The following TMEM19 variants were observed in gnomAD, a reference collection of about 807,000 sequenced individuals.
TMEM19 encodes transmembrane protein 19.
In TMEM19, 21 loss-of-function variants were observed where a neutral mutation model predicts 33.6. That is an observed-to-expected ratio of 0.62 (90% confidence interval 0.44 to 0.90). The LOEUF is 0.90. Among genes scored for constraint, TMEM19 ranks in the 40% least tolerant of loss-of-function variants. The pLI is 0.00. For missense variants in TMEM19, 402 were observed against 401.8 expected (o/e 1.00, Z 0.00); for synonymous variants, 149 against 147.5 (o/e 1.01, Z -0.07).
chr12:71,697,662 T>A (rs1881899289), intron 4 of TMEM19, 128 bp downstream of exon 4: 1 of 1,185,322 alleles, frequency 8.4e-7, no homozygotes, highest in Non-Finnish European at 1.1e-6. Context: ...CTTTATTTAG[T>A]CTCTTTAAAT....
chr12:71,692,797 T>C (rs147955980), intron 2 of TMEM19, among the ~76,000 whole-genome samples: 1 of 152,270 alleles, frequency 6.6e-6, no homozygotes, highest in East Asian at 1.9e-4. Flanking sequence ...GCTAGATACA[T>C]AATAGATGAT....
intron 2 of TMEM19, 124 bp downstream of exon 2, chr12:71,689,828 A>G: frequency 2.9e-6 from 2 of 689,578 alleles, no homozygotes; most frequent in South Asian, 4.8e-5. Context: ...ATTTTAGACA[A>G]TGATAAAGTT....
In TMEM19 at chr12:71,690,079, A is replaced by G. The variant is rs565906879; in HGVS notation, c.244+375A>G. ...TTGGAAATTGCTGTTAGTAATCTCA[A>G]AACAGAGCAGTCCAAACTTAGTGTT... On this transcript the variant is annotated intron_variant, in intron 2 of 5. Coordinates refer to ENST00000266673, the MANE Select transcript of TMEM19 (RefSeq NM_018279.4). Among the ~76,000 whole-genome samples, 4 of 152,362 alleles carry G rather than the reference A, an allele frequency of 2.6e-5. No homozygotes were observed. In the East Asian group the frequency reaches 7.7e-4, roughly 29 times the overall value.
At chr12:71,695,660 A>G (rs1000464337) in intron 2 of TMEM19, among the ~76,000 whole-genome samples, 1 of 152,228 alleles carries the variant, frequency 6.6e-6, no homozygotes, top group Non-Finnish European at 1.5e-5. Context: ...TACATCCTGG[A>G]TAATATAATA....
chr12:71,697,421 C>G lies in TMEM19; in HGVS notation c.524C>G (p.Ser175Cys), dbSNP rs774707951. 6.2e-7 allele frequency: 1 copy of G among 1,610,998 alleles called. No individual in the cohort carries two copies. ...KQYSASWMCLSLLAALACSAG... is the reference protein window; with the variant it reads ...KQYSASWMCLCLLAALACSAG... ...TACTCCGCTTCCTGGATGTGTTTGT[C>G]TCTCTTGGCTGCACTGGCCTGCTCT... Residue 175 changes from serine (S) to cysteine (C), a missense_variant, in exon 4 of 6, where the codon TCT becomes TGT. Physicochemically the swap from Ser to Cys is moderately radical, Grantham distance 112. Transcript: ENST00000266673.
At chr12:71,695,770 G>T (rs187438640) in intron 2 of TMEM19, among the ~76,000 whole-genome samples, 1 of 152,268 alleles carries the variant, frequency 6.6e-6, no homozygotes, top group African/African-American at 2.4e-5. Context: ...GACTTAAGGA[G>T]GTTAGGTAAC....
In TMEM19 at chr12:71,686,763, T is replaced by C; in HGVS notation, c.83T>C (p.Ile28Thr). ...GTTATACTGAGCCTGATCATTTGCATTTCGTTAGCTTTCTGGATTATATCA... is the reference window on the plus strand; with the variant it reads ...GTTATACTGAGCCTGATCATTTGCACTTCGTTAGCTTTCTGGATTATATCA... The part of the protein sequence containing the change: ...NIVILSLIIC[I>T]SLAFWIISMT... The change falls in exon 1 of 6, where the codon ATT becomes ACT. Residue 28 changes from isoleucine to threonine, a missense_variant. Ile to Thr is a moderately conservative substitution (Grantham distance 89, BLOSUM62 -1). Transcript: ENST00000266673. The C allele has an allele frequency of 6.2e-7, 1 of 1,612,848 alleles. No homozygotes were observed. The highest frequency in any genetic ancestry group is 8.5e-7 in the Non-Finnish European group (1 of 1,179,700).
intron 2 of TMEM19, 76 bp downstream of exon 2, chr12:71,689,780 T>C (rs1175760612): frequency 2.0e-6 from 2 of 1,006,524 alleles, no homozygotes; most frequent in Non-Finnish European, 1.5e-6. Context: ...TTTTCTAAAT[T>C]CTGAATATAT....
rs1312874933 is a variant in TMEM19, at chr12:71,704,196, T to C, written c.*3201T>C. 4.6e-5 allele frequency: 10 copies of C among 218,788 alleles called. No individual in the cohort carries two copies. The East Asian group carries it at 9.5e-4, about 21-fold the overall frequency. The allele number at this position is 218,788 out of a possible 1,614,324, so 13.6% of individuals were successfully genotyped here. A position where few individuals can be genotyped will look rare whatever the true frequency, so the allele number is the denominator to read the frequency against. On this transcript the variant is annotated 3_prime_UTR_variant, in exon 6 of 6. Coordinates refer to ENST00000266673, the MANE Select transcript of TMEM19 (RefSeq NM_018279.4). ...ATGGAGCCACCAAGAGACCAAAGAA[T>C]TGATACAGCAGGTCATTCTATTATT...
In TMEM19 at chr12:71,703,025, C is replaced by T. The variant is rs1023317987; in HGVS notation, c.*2030C>T. The T allele has an allele frequency of 6.6e-6, 1 of 150,780 alleles. No individual in the cohort carries two copies. The highest frequency in any genetic ancestry group is 1.5e-5 in the Non-Finnish European group (1 of 67,656). 9.3% of individuals were successfully genotyped at this position (150,780 alleles called of 1,614,324 possible). A position where few individuals can be genotyped will look rare whatever the true frequency, so the allele number is the denominator to read the frequency against. ...TGAAACACCGTCTCTACTAAAAATA[C>T]AAAAAATTAGGTGTGGTGGTGCGTG... On this transcript the variant is annotated 3_prime_UTR_variant, in exon 6 of 6. Coordinates refer to ENST00000266673, the MANE Select transcript of TMEM19 (RefSeq NM_018279.4).
At chr12:71,700,112 C>T (rs1399768364) in intron 5 of TMEM19, among the ~76,000 whole-genome samples, 1 of 152,192 alleles carries the variant, frequency 6.6e-6, no homozygotes, top group African/African-American at 2.4e-5. Flanking sequence ...TCCCCCTCTC[C>T]ATCAGTCAGA....
chr12:71,691,827 G>C (rs1881791569), intron 2 of TMEM19, among the ~76,000 whole-genome samples: 1 of 151,452 alleles, frequency 6.6e-6, no homozygotes, highest in Non-Finnish European at 1.5e-5. Flanking sequence ...TTGAAATTCT[G>C]TCTTCCTTGG....
At position 71,702,143 on chromosome 12, in the gene TMEM19, T is replaced by C. The variant is rs950703346; in HGVS notation, c.*1148T>C. 1.3e-5 allele frequency: 2 copies of C among 152,200 alleles called. No homozygotes were observed. Among genetic ancestry groups the C allele is most frequent in the Non-Finnish European group, 2.9e-5 (2 of 68,030 alleles). The allele number at this position is 152,200 out of a possible 1,614,324, so 9.4% of individuals were successfully genotyped here. A position where few individuals can be genotyped will look rare whatever the true frequency, so the allele number is the denominator to read the frequency against. ...AATACACCACCACCAGAGTGGATAA[T>C]GCTTAGAATTCTTTATTGGTGGCCC... On this transcript the variant is annotated 3_prime_UTR_variant, in exon 6 of 6. Transcript: ENST00000266673.
At chr12:71,698,381 A>G (rs575290166) in intron 4 of TMEM19, among the ~76,000 whole-genome samples, 1 of 152,318 alleles carries the variant, frequency 6.6e-6, no homozygotes, top group East Asian at 1.9e-4. Context: ...TATTATTTAT[A>G]TCTTATAAAG....
Position 71,698,907 on chromosome 12 carries a change from T to G in TMEM19, c.645T>G (p.Asn215Lys). The G allele has an allele frequency of 6.2e-7, 1 of 1,614,132 alleles. No homozygotes were observed. Among genetic ancestry groups the G allele is most frequent in the Non-Finnish European group, 8.5e-7 (1 of 1,179,960 alleles). ...TGCATGTTTCTTCTTCAGGTACCAA[T>G]GGAGGAGTTACAGTGGTGGGCCTTG... ...TTWEKVPVGT[N>K]GGVTVVGLVS... is the part of the protein sequence containing the mutation. The change falls in exon 5 of 6, where the codon AAT becomes AAG. Residue 215 changes from asparagine to lysine, a missense_variant. Transcript: ENST00000266673.
At chr12:71,689,471 T>G in intron 1 of TMEM19, 120 bp from the exon 2 acceptor site, 1 of 748,926 alleles carries the variant, frequency 1.3e-6, no homozygotes, top group Non-Finnish European at 2.4e-6. Context: ...TTTGGTGACT[T>G]CATCTTGGTG....
At position 71,698,927 on chromosome 12, in the gene TMEM19, G is replaced by A. The variant is rs1881928013; in HGVS notation, c.665G>A (p.Gly222Asp). 1 of 1,614,118 alleles carries A rather than the reference G, an allele frequency of 6.2e-7. No individual in the cohort carries two copies. The highest frequency in any genetic ancestry group is 8.5e-7 in the Non-Finnish European group (1 of 1,180,024). ...VGTNGGVTVV[G>D]LVSSLLGGTF... ...ACCAATGGAGGAGTTACAGTGGTGG[G>A]CCTTGTCTCCAGTCTCCTTGGTGGT... The change falls in exon 5 of 6, where the codon GGC becomes GAC. Residue 222 changes from glycine to aspartate, a missense_variant. Physicochemically the swap from Gly to Asp is moderately conservative, Grantham distance 94. Coordinates refer to ENST00000266673, the MANE Select transcript of TMEM19 (RefSeq NM_018279.4).
chr12:71,688,660 G>A lies in TMEM19; in HGVS notation c.131-931G>A, dbSNP rs576307175. 1.5e-3 allele frequency among the ~76,000 whole-genome samples: 222 copies of A among 152,258 alleles called. 1 individual carries two copies. Among genetic ancestry groups the A allele is most frequent in the South Asian group, 6.0e-3 (29 of 4,822 alleles). On this transcript the variant is annotated intron_variant, in intron 1 of 5. Coordinates refer to ENST00000266673, the MANE Select transcript of TMEM19 (RefSeq NM_018279.4). ...TGGGAACTTTAAATGGGAAAGCCACGGCCTGTTTAAAGGAGGGCACCTCTC... is the reference window on the plus strand; with the variant it reads ...TGGGAACTTTAAATGGGAAAGCCACAGCCTGTTTAAAGGAGGGCACCTCTC...
intron 2 of TMEM19, among the ~76,000 whole-genome samples, chr12:71,690,583 TAATA>T (rs762627086): frequency 2.4e-4 from 36 of 152,170 alleles, no homozygotes; most frequent in Non-Finnish European, 2.5e-4. Flanking sequence ...GGCAGATAGA[TAATA>T]AATAAAATAT....
Sources: gnomAD v4.1 joint callset for allele counts (sites outside exome capture counted in the v4.1 genomes callset) on GRCh38, gnomAD v4.1.1 for gene constraint, MANE v1.5 for transcripts, NCBI Gene and HGNC (gene_info 2026-07-23, HGNC 2026-07-21) for gene names.